SLC25A14: variants seen among roughly 807,000 people sequenced by gnomAD.
The protein encoded by SLC25A14 is brain mitochondrial carrier protein 1.
A neutral mutation model predicts 28.1 loss-of-function variants in SLC25A14; 8 were observed. The observed-to-expected ratio is 0.28, with a 90% CI of 0.17 to 0.51. The LOEUF (loss-of-function observed/expected upper bound fraction) is 0.51, where lower values mean the gene tolerates loss of function less well. Ranked by LOEUF, SLC25A14 falls within the 20% of genes least tolerant of loss-of-function variation. The pLI, the probability that SLC25A14 is intolerant of heterozygous loss-of-function variation, is 0.97. For missense variants in SLC25A14, 135 were observed against 263.8 expected, an observed-to-expected ratio of 0.51 and a Z score of 3.38; for synonymous variants, 74 against 90.6, an observed-to-expected ratio of 0.82 and a Z score of 1.04.
chrX:130,365,131 G>A (rs1031089616), intron 8 of SLC25A14: 1 of 805,857 alleles, frequency 1.2e-6, no homozygotes, highest in African/African-American at 2.2e-5. Flanking sequence ...TGAAACTAAA[G>A]CACAGTTTTT....
At chrX:130,344,710 G>A (rs2033374421) in intron 2 of SLC25A14, among the ~76,000 whole-genome samples, 1 of 111,852 alleles carries the variant, frequency 8.9e-6, no homozygotes, top group Non-Finnish European at 1.9e-5. Context: ...AGAGAGATAG[G>A]AGGGCTAAGA....
At chrX:130,361,954 C>A (rs942992704) in intron 7 of SLC25A14, among the ~76,000 whole-genome samples, 54 of 110,943 alleles carry the variant, frequency 4.9e-4, no homozygotes, top group African/African-American at 1.7e-3. Context: ...CAGTTTGGGG[C>A]CTTACTGTTC....
intron 7 of SLC25A14, chrX:130,359,208 C>A: frequency 3.2e-6 from 1 of 312,581 alleles, no homozygotes; most frequent in Non-Finnish European, 6.1e-6. Context: ...CAAAAATTAG[C>A]CAGGCATGGT....
chrX:130,361,328 T>C (rs1211562917), intron 7 of SLC25A14, among the ~76,000 whole-genome samples: 1 of 112,322 alleles, frequency 8.9e-6, no homozygotes, highest in East Asian at 2.8e-4. Context: ...ATGTGGTAAA[T>C]CTATGTTTAT....
At chrX:130,369,550 A>G (rs2034213961) in intron 9 of SLC25A14, among the ~76,000 whole-genome samples, 1 of 112,343 alleles carries the variant, frequency 8.9e-6, no homozygotes, top group African/African-American at 3.2e-5. Flanking sequence ...GCATATTGCA[A>G]TAGTGACTCA....
chrX:130,352,190 T>G (rs1196947155), intron 6 of SLC25A14, among the ~76,000 whole-genome samples: 1 of 112,180 alleles, frequency 8.9e-6, no homozygotes, highest in Admixed American at 9.4e-5. Flanking sequence ...GTTCCTGCAT[T>G]AATTCATTTA....
At position 130,363,088 on chromosome X, in the gene SLC25A14, C is replaced by T. The variant is rs147592576; in HGVS notation, c.595-1540C>T. 2.6e-4 allele frequency among the ~76,000 whole-genome samples: 29 copies of T among 112,398 alleles called. No individual in the cohort carries two copies. In the South Asian group the frequency reaches 6.6e-3, roughly 25 times the overall value. On this transcript the variant is annotated intron_variant, in intron 7 of 10. Coordinates refer to ENST00000545805, the MANE Select transcript of SLC25A14 (RefSeq NM_001282195.2). ...TAAAATTCACCATCTTTAAAGTATA[C>T]GATTTAATTGTTTCTAGTATATTCA...
Position 130,358,676 on chromosome X carries a change from A to G in SLC25A14, c.535A>G (p.Ser179Gly), listed in dbSNP as rs963524137. The change falls in exon 7 of 11, where the codon AGC becomes GGC. Residue 179 changes from serine to glycine, a missense_variant. Ser to Gly is a moderately conservative substitution (Grantham distance 56). Coordinates refer to ENST00000545805, the MANE Select transcript of SLC25A14 (RefSeq NM_001282195.2). ...GGCTCAAGGAAGCTTGTTCCAAGGGAGCATGATTGGAAGCTTTATCGATAT... is the reference window on the plus strand; with the variant it reads ...GGCTCAAGGAAGCTTGTTCCAAGGGGGCATGATTGGAAGCTTTATCGATAT... The part of the protein sequence containing the change: ...MQAQGSLFQG[S>G]MIGSFIDIYQ... 8.3e-7 allele frequency: 1 copy of G among 1,207,568 alleles called. No homozygotes were observed. Among genetic ancestry groups the G allele is most frequent in the South Asian group, 1.8e-5 (1 of 56,654 alleles).
chrX:130,349,521 C>A (rs780121078), intron 5 of SLC25A14, 176 bp downstream of exon 5: 5 of 283,348 alleles, frequency 1.8e-5, no homozygotes, highest in African/African-American at 1.1e-4. Context: ...ATTAGAGAGA[C>A]CTGTTCTTCA....
At chrX:130,365,729 C>A (rs964991715) in intron 9 of SLC25A14, 53 bp downstream of exon 9, 1 of 917,357 alleles carries the variant, frequency 1.1e-6, no homozygotes, top group Non-Finnish European at 1.6e-6. Context: ...ATGTCTTAGA[C>A]CTTCCTTCAG....
chrX:130,372,307 C>T (rs781170949), intron 10 of SLC25A14, among the ~76,000 whole-genome samples: 1 of 110,320 alleles, frequency 9.1e-6, no homozygotes, highest in Non-Finnish European at 1.9e-5. Flanking sequence ...TGTGTGTGTG[C>T]GTGTGTGCGT....
chrX:130,343,769 TTAAC>T (rs1204931802), intron 2 of SLC25A14, among the ~76,000 whole-genome samples: 2 of 112,171 alleles, frequency 1.8e-5, no homozygotes, highest in African/African-American at 6.5e-5. Context: ...ATAATGATAG[TTAAC>T]TAACAATTAT....
chrX:130,346,174 CAG>C (rs1004041500), intron 3 of SLC25A14, among the ~76,000 whole-genome samples: 1 of 110,877 alleles, frequency 9.0e-6, no homozygotes, highest in Non-Finnish European at 1.9e-5. Context: ...TTATGAGACA[CAG>C]AGGTGGGGAG....
intron 8 of SLC25A14, 165 bp from the exon 9 acceptor site, chrX:130,365,376 C>A: frequency 9.7e-7 from 1 of 1,031,809 alleles, no homozygotes. Flanking sequence ...TGAATGATGT[C>A]TCTTTAGAAA....
intron 3 of SLC25A14, 50 bp downstream of exon 3, chrX:130,345,325 C>T (rs1271883941): frequency 3.9e-6 from 3 of 770,686 alleles, no homozygotes; most frequent in Non-Finnish European, 5.9e-6. Flanking sequence ...TAGATGGTAG[C>T]TTATGATGAT....
At chrX:130,352,795 A>C (rs776506003) in intron 6 of SLC25A14, among the ~76,000 whole-genome samples, 1 of 111,994 alleles carries the variant, frequency 8.9e-6, no homozygotes, top group African/African-American at 3.2e-5. Context: ...TAAATTCCTT[A>C]TAGATGCTGG....
intron 9 of SLC25A14, among the ~76,000 whole-genome samples, chrX:130,366,245 G>A (rs947709697): frequency 2.7e-5 from 3 of 112,344 alleles, no homozygotes; most frequent in Non-Finnish European, 5.6e-5. Flanking sequence ...CACCATTTTA[G>A]TAGTTAGAGA....
chrX:130,349,535 T>G, intron 5 of SLC25A14, 190 bp downstream of exon 5: 1 of 270,018 alleles, frequency 3.7e-6, no homozygotes, highest in Non-Finnish European at 6.8e-6. Flanking sequence ...TTCTTCAAAT[T>G]TGTCCCTTTT....
At chrX:130,346,095 A>T (rs1267678139) in intron 3 of SLC25A14, among the ~76,000 whole-genome samples, 2 of 111,164 alleles carry the variant, frequency 1.8e-5, no homozygotes, top group Non-Finnish European at 3.8e-5. Flanking sequence ...AAAACTTTGT[A>T]ACACTATATA....
Sources: allele counts gnomAD v4.1 joint callset (sites outside exome capture counted in the v4.1 genomes callset), GRCh38; gene constraint gnomAD v4.1.1; transcripts MANE v1.5; gene names NCBI Gene and HGNC (gene_info 2026-07-23, HGNC 2026-07-21).